Variants in TMEM223 observed in about 807,000 individuals in gnomAD.
The protein encoded by TMEM223 is transmembrane protein 223.
A neutral mutation model predicts 14.1 loss-of-function variants in TMEM223; 14 were observed. The observed-to-expected ratio is 0.99, with a 90% confidence interval of 0.66 to 1.55. The LOEUF (loss-of-function observed/expected upper bound fraction) is 1.55. TMEM223 is among the 40% of genes most tolerant of loss of function. TMEM223 has a pLI of 0.00. For missense variants in TMEM223, 346 were observed against 269.9 expected (o/e 1.28, Z -1.97); for synonymous variants, 145 against 120.5 (o/e 1.20, Z -1.33).
chr11:62,776,850 GAAA>G (rs71056563), intron 1 of TMEM223, among the ~76,000 whole-genome samples: 2 of 68,204 alleles, frequency 2.9e-5, no homozygotes, highest in East Asian at 9.8e-4. Context: ...CTCAAAAAAA[GAAA>G]AAAAAAAAAA....
At chr11:62,789,564 A>G (rs2084333821), downstream of TMEM223, 12 of 1,550,262 alleles carry the variant, frequency 7.7e-6, no homozygotes, top group South Asian at 7.5e-5. Context: ...GATATAAACT[A>G]TCACGCTTTC....
intron 1 of TMEM223, 67 bp downstream of exon 1, chr11:62,791,612 C>T: frequency 1.4e-6 from 2 of 1,439,170 alleles, no homozygotes; most frequent in Non-Finnish European, 1.8e-6. Flanking sequence ...ACTCTCCCTG[C>T]CTGTATAGGG....
At position 62,790,819 on chromosome 11, in the gene TMEM223, T is replaced by C; in HGVS notation, c.413A>G (p.His138Arg). The change falls in exon 2 of 2, where the codon CAT becomes CGT. Residue 138 changes from histidine to arginine, a missense_variant. Coordinates refer to ENST00000307366, the MANE Select transcript of TMEM223 (RefSeq NM_001080501.3). ...ATGGGCCCCCAAGCCAAAGGGGGCA[T>C]GAGTGGTGAGGGTCACCTGCTGCCC... The part of the protein sequence containing the change: ...AGGQQVTLTT[H>R]APFGLGAHFT... 1 of 1,605,826 alleles carries C rather than the reference T, an allele frequency of 6.2e-7. No individual in the cohort carries two copies. Among genetic ancestry groups the C allele is most frequent in the Non-Finnish European group, 8.5e-7 (1 of 1,176,102 alleles).
chr11:62,787,872 A>T (rs1247713781), downstream of TMEM223: 2 of 586,784 alleles, frequency 3.4e-6, no homozygotes, highest in African/African-American at 1.8e-5. Context: ...ATCAGAAGCC[A>T]TTTGTGCTGA....
At chr11:62,781,875 T>A (rs2084232377) in intron 1 of TMEM223, 2 of 1,612,902 alleles carry the variant, frequency 1.2e-6, no homozygotes, top group Non-Finnish European at 1.7e-6. Flanking sequence ...TCCAATGCAG[T>A]CTGGGCCCTT....
At chr11:62,789,002 C>T (rs192661771), downstream of TMEM223, 36 of 1,599,728 alleles carry the variant, frequency 2.3e-5, no homozygotes, top group African/African-American at 4.2e-4. Flanking sequence ...AAATCTAGGA[C>T]TCAGCAGCTT....
chr11:62,791,695 G>C lies in TMEM223; in HGVS notation c.300C>G (p.Val100=). The C allele has an allele frequency of 3.2e-6, 5 of 1,539,772 alleles. No homozygotes were observed. The highest frequency in any genetic ancestry group is 3.5e-6 in the Non-Finnish European group (4 of 1,142,016). ...ACGTCTTACCGATGGCGCCGCAGCC[G>C]ACGGCCAGACCGTAGCGCCAGAGCG... ...RSALWRYGLA[V]GCGAIGALVL... Residue 100 remains valine (V), a synonymous_variant, in exon 1 of 2, where the codon GTC becomes GTG. Coordinates refer to ENST00000307366, the MANE Select transcript of TMEM223 (RefSeq NM_001080501.3).
At chr11:62,787,501 G>A, downstream of TMEM223, 1 of 1,577,968 alleles carries the variant, frequency 6.3e-7, no homozygotes, top group South Asian at 1.1e-5. Flanking sequence ...CGGGGCCGTG[G>A]CGGCCGCGGC....
In TMEM223 at chr11:62,776,373, C is replaced by T. The variant is rs142944274; in HGVS notation, c.315-1708G>A. On this transcript the variant is annotated intron_variant, in intron 1 of 2. Transcript: ENST00000528367. ...ATCCTTTGACTCTGGCTTTTGTTCC[C>T]TCCCTCCCAGAATAGCTCTCAGTTC... is the stretch of plus-strand genomic sequence containing the variant. 4.0e-3 allele frequency: 6,376 copies of T among 1,612,982 alleles called. 220 individuals carry two copies. In the African/African-American group the frequency reaches 0.078, roughly 20 times the overall value.
intron 1 of TMEM223, among the ~76,000 whole-genome samples, chr11:62,779,968 A>AT (rs1341684851): frequency 9.3e-4 from 62 of 66,632 alleles, no homozygotes; most frequent in African/African-American, 2.7e-3. Context: ...ATATATATAT[A>AT]TATATATATT....
downstream of TMEM223, among the ~76,000 whole-genome samples, chr11:62,783,833 G>T (rs934016633): frequency 6.6e-6 from 1 of 150,778 alleles, no homozygotes. Context: ...ACGCCCAGCC[G>T]ATTATGTGGT....
At chr11:62,771,537 G>T, downstream of TMEM223, 1 of 158,482 alleles carries the variant, frequency 6.3e-6, no homozygotes, top group South Asian at 1.5e-4. Flanking sequence ...TCCCGACGCC[G>T]ACTGCTTACT....
At chr11:62,786,780 C>G (rs773953884), downstream of TMEM223, 6 of 1,611,906 alleles carry the variant, frequency 3.7e-6, no homozygotes, top group Admixed American at 1.7e-5. Flanking sequence ...TCGGTGACAG[C>G]TTGGCCACAC....
At chr11:62,779,976 A>ATATATATATATATATATATTTTTTTTTT (rs1294367864) in intron 1 of TMEM223, among the ~76,000 whole-genome samples, 1 of 52,630 alleles carries the variant, frequency 1.9e-5, no homozygotes, top group African/African-American at 7.7e-5. Context: ...ATATATATAT[A>ATATATATATATATATATATTTTTTTTTT]TTTTTTTTTT....
chr11:62,782,515 C>T (rs547861816), downstream of TMEM223: 139 of 1,064,034 alleles, frequency 1.3e-4, no homozygotes, highest in Non-Finnish European at 1.1e-4. Context: ...TACAAATACG[C>T]CAAGGTATTG....
chr11:62,779,218 G>A (rs1478448672), intron 1 of TMEM223, among the ~76,000 whole-genome samples: 1 of 151,620 alleles, frequency 6.6e-6, no homozygotes, highest in Non-Finnish European at 1.5e-5. Context: ...TTTTTGAAAC[G>A]GAGTCTTGCA....
chr11:62,786,799 A>G, downstream of TMEM223: 1 of 1,609,422 alleles, frequency 6.2e-7, no homozygotes, highest in Non-Finnish European at 8.5e-7. Flanking sequence ...ACGCTTTGGC[A>G]CCGGCCAGCC....
At chr11:62,778,936 G>T in intron 1 of TMEM223, 1 of 1,614,070 alleles carries the variant, frequency 6.2e-7, no homozygotes, top group Non-Finnish European at 8.5e-7. Context: ...CTCGTGCTGT[G>T]CTAGGGGATG....
At chr11:62,786,534 G>A, downstream of TMEM223, 1 of 1,552,272 alleles carries the variant, frequency 6.4e-7, no homozygotes, top group Admixed American at 1.9e-5. Flanking sequence ...TAGAGCGACT[G>A]CTGAAGATGA....
Sources: gnomAD v4.1 joint callset for allele counts (sites outside exome capture counted in the v4.1 genomes callset) on GRCh38, gnomAD v4.1.1 for gene constraint, MANE v1.5 for transcripts, NCBI Gene and HGNC (gene_info 2026-07-23, HGNC 2026-07-21) for gene names.